RSBN1L: variants seen among roughly 807,000 people sequenced by gnomAD.
The protein encoded by RSBN1L is lysine-specific demethylase RSBN1L.
Under a neutral mutation model 67.7 loss-of-function variants are expected in RSBN1L, and 30 were observed. The observed-to-expected ratio is 0.44, with a 90% CI of 0.33 to 0.60. The LOEUF (loss-of-function observed/expected upper bound fraction) is 0.60. Ranked by LOEUF, RSBN1L falls within the 20% of genes least tolerant of loss-of-function variation. RSBN1L has a pLI of 0.02. For missense variants in RSBN1L, 992 were observed against 1,031.7 expected, an observed-to-expected ratio of 0.96 and a Z score of 0.53; for synonymous variants, 433 against 387.0, an observed-to-expected ratio of 1.12 and a Z score of -1.39.
intron 1 of RSBN1L, among the ~76,000 whole-genome samples, chr7:77,726,325 C>T (rs1043363488): frequency 2.0e-5 from 3 of 152,106 alleles, no homozygotes; most frequent in Non-Finnish European, 2.9e-5. Context: ...CATCATGTCT[C>T]GTTAGATTCC....
At chr7:77,713,387 C>G (rs189541619) in intron 1 of RSBN1L, among the ~76,000 whole-genome samples, 9 of 150,726 alleles carry the variant, frequency 6.0e-5, no homozygotes, top group African/African-American at 2.2e-4. Context: ...GACAGAGTCT[C>G]ACTCTGTCGC....
intron 2 of RSBN1L, among the ~76,000 whole-genome samples, chr7:77,748,312 A>G (rs928272066): frequency 6.6e-6 from 1 of 152,192 alleles, no homozygotes; most frequent in Non-Finnish European, 1.5e-5. Context: ...GAGCTGGATA[A>G]TTCTGTCAAA....
chr7:77,697,749 C>G (rs999195896), intron 1 of RSBN1L, among the ~76,000 whole-genome samples: 1 of 152,164 alleles, frequency 6.6e-6, no homozygotes, highest in African/African-American at 2.4e-5. Context: ...AAACCAGGAG[C>G]TTTGACGATT....
chr7:77,722,026 G>A (rs914137571), intron 1 of RSBN1L, among the ~76,000 whole-genome samples: 2 of 152,188 alleles, frequency 1.3e-5, no homozygotes, highest in Non-Finnish European at 2.9e-5. Context: ...AACTGAACTG[G>A]TCAAGTGATT....
chr7:77,703,872 C>T lies in RSBN1L; in HGVS notation c.586+6817C>T, dbSNP rs141316124. ...TGGCACAATCATAGCTCAATGTAAC[C>T]TTGAACTCCTGAGCCCAAAGGATTC... is the stretch of plus-strand genomic sequence containing the variant. On this transcript the variant is annotated intron_variant, in intron 1 of 7. Transcript: ENST00000334955. Among the ~76,000 whole-genome samples, 137 of 152,222 alleles carry T rather than the reference C, an allele frequency of 9.0e-4. 2 individuals carry two copies. Among genetic ancestry groups the T allele is most frequent in the African/African-American group, 2.9e-3 (122 of 41,534 alleles).
At chr7:77,735,198 C>T (rs1341860452) in intron 1 of RSBN1L, among the ~76,000 whole-genome samples, 2 of 152,002 alleles carry the variant, frequency 1.3e-5, no homozygotes, top group Non-Finnish European at 2.9e-5. Context: ...TAGTCTAGAC[C>T]TGTGCTATTC....
intron 3 of RSBN1L, among the ~76,000 whole-genome samples, chr7:77,757,263 C>T (rs1466639035): frequency 6.6e-6 from 1 of 152,146 alleles, no homozygotes; most frequent in African/African-American, 2.4e-5. Context: ...ATTAAAACAT[C>T]CCTGTTCTTT....
chr7:77,747,862 G>T (rs1207865833), intron 2 of RSBN1L, among the ~76,000 whole-genome samples: 1 of 150,814 alleles, frequency 6.6e-6, no homozygotes, highest in Non-Finnish European at 1.5e-5. Flanking sequence ...TTGGCTCATG[G>T]TTCTACAGGC....
At chr7:77,699,395 TA>T (rs1363857726) in intron 1 of RSBN1L, among the ~76,000 whole-genome samples, 1 of 152,234 alleles carries the variant, frequency 6.6e-6, no homozygotes, top group Non-Finnish European at 1.5e-5. Context: ...GTAGGGCTTT[TA>T]AAAAGTCCTA....
At chr7:77,733,376 A>G (rs117054321) in intron 1 of RSBN1L, among the ~76,000 whole-genome samples, 2,800 of 152,324 alleles carry the variant, frequency 0.018, 38 homozygotes, top group Middle Eastern at 0.071. Context: ...TACGTTGTCT[A>G]TAACTCTCCT....
chr7:77,747,977 G>T (rs551633767), intron 2 of RSBN1L, among the ~76,000 whole-genome samples: 101 of 152,098 alleles, frequency 6.6e-4, no homozygotes, highest in African/African-American at 2.3e-3. Flanking sequence ...TGTAAATAAT[G>T]AGCAAGTGAA....
rs1232078377 is a variant in RSBN1L at position 77,749,461 on chromosome 7, A to G, written c.741A>G (p.Leu247=). ...KEKPKTNIED[L]QIKKVKKKKK... Reference sequence around the variant, plus strand: ...AACCAAAAACAAATATAGAAGACTTACAAATTAAAAAGGTAAAGAAGAAAA... The same window carrying G: ...AACCAAAAACAAATATAGAAGACTTGCAAATTAAAAAGGTAAAGAAGAAAA... The change falls in exon 3 of 8, where the codon TTA becomes TTG. Residue 247 remains leucine (L), a synonymous_variant. Transcript: ENST00000334955. 1.3e-6 allele frequency: 2 copies of G among 1,578,182 alleles called. No homozygotes were observed. Among genetic ancestry groups the G allele is most frequent in the African/African-American group, 2.8e-5 (2 of 72,386 alleles).
At chr7:77,751,834 C>T (rs1791560311) in intron 3 of RSBN1L, among the ~76,000 whole-genome samples, 1 of 152,196 alleles carries the variant, frequency 6.6e-6, no homozygotes, top group Admixed American at 6.5e-5. Context: ...TTGCATGTCT[C>T]CTAAATGTCC....
rs1239326587 is a variant in RSBN1L, at chr7:77,768,577, G to T, written c.1483-84G>T. 5.9e-6 allele frequency: 7 copies of T among 1,182,052 alleles called. No individual in the cohort carries two copies. In the African/African-American group the frequency reaches 1.1e-4, roughly 19 times the overall value. The allele number at this position is 1,182,052 out of a possible 1,614,324, so 73.2% of individuals were successfully genotyped here. Reference sequence around the variant, plus strand: ...TAAAGCTGTGTATGAAAGTGTGTTTGTCAGGGGAACAATATTATTATTAAC... The same window carrying T: ...TAAAGCTGTGTATGAAAGTGTGTTTTTCAGGGGAACAATATTATTATTAAC... On this transcript the variant is annotated intron_variant, in intron 4 of 7. Transcript: ENST00000334955.
At chr7:77,736,642 A>G in intron 2 of RSBN1L, 116 bp downstream of exon 2, 1 of 454,772 alleles carries the variant, frequency 2.2e-6, no homozygotes. Context: ...AGAATGAACA[A>G]TGATGAGGAA....
Position 77,696,486 on chromosome 7 carries a change from G to T in RSBN1L, c.17G>T (p.Ser6Ile), listed in dbSNP as rs768269019. 105 of 1,610,712 alleles carry T rather than the reference G, an allele frequency of 6.5e-5. No individual in the cohort carries two copies. The highest frequency in any genetic ancestry group is 8.0e-5 in the Non-Finnish European group (94 of 1,178,210). ...GAGCGCAAAATGGCGGAACCGCCGAGCCCCGTGCACTGTGTCGCTGCCGCG... is the reference window on the plus strand; with the variant it reads ...GAGCGCAAAATGGCGGAACCGCCGATCCCCGTGCACTGTGTCGCTGCCGCG... MAEPP[S>I]PVHCVAAAAP... The change falls in exon 1 of 8, where the codon AGC becomes ATC. Residue 6 changes from serine (S) to isoleucine (I), a missense_variant. Around this residue, in one of 7 missense-constraint regions of RSBN1L, gnomAD observed 575 missense variants for 483.2 expected, o/e 1.19. Transcript: ENST00000334955.
rs772510259 is a variant in RSBN1L at position 77,697,021 on chromosome 7, G to C, written c.552G>C (p.Arg184=). Residue 184 remains arginine (R), a synonymous_variant, in exon 1 of 8, where the codon CGG becomes CGC. Transcript: ENST00000334955. Reference sequence around the variant, plus strand: ...CCCGAGAGGCCGGCGGGGCCTCCCGGGAGGAGAACGGGGAGGTGAAGCCGC... The same window carrying C: ...CCCGAGAGGCCGGCGGGGCCTCCCGCGAGGAGAACGGGGAGGTGAAGCCGC... ...GGAREAGGAS[R]EENGEVKPLP... is the part of the protein sequence containing the mutation. 3 of 1,523,694 alleles carry C rather than the reference G, an allele frequency of 2.0e-6. No homozygotes were observed. The highest frequency in any genetic ancestry group is 2.4e-5 in the South Asian group (2 of 83,246). 94.4% of individuals were successfully genotyped at this position (1,523,694 alleles called of 1,614,324 possible).
chr7:77,705,779 G>A (rs1402865427), intron 1 of RSBN1L, among the ~76,000 whole-genome samples: 1 of 152,076 alleles, frequency 6.6e-6, no homozygotes, highest in Non-Finnish European at 1.5e-5. Context: ...CACGATTACA[G>A]GCATGAGCCA....
At chr7:77,709,003 C>T (rs920246885) in intron 1 of RSBN1L, among the ~76,000 whole-genome samples, 6 of 152,074 alleles carry the variant, frequency 3.9e-5, no homozygotes, top group Admixed American at 6.6e-5. Context: ...AAGCATATCA[C>T]TGAAGAATTG....
Sources: allele counts gnomAD v4.1 joint callset (sites outside exome capture counted in the v4.1 genomes callset), GRCh38; gene constraint gnomAD v4.1.1; regional missense constraint gnomAD v4.1.1; transcripts MANE v1.5; gene names NCBI Gene and HGNC (gene_info 2026-07-23, HGNC 2026-07-21).